Variants in DMD observed in about 807,000 individuals in gnomAD.
DMD encodes mutant dystrophin.
A neutral mutation model predicts 330.1 loss-of-function variants in DMD; 63 were observed. The observed-to-expected ratio is 0.19, with a 90% CI of 0.16 to 0.24. The LOEUF (loss-of-function observed/expected upper bound fraction) is 0.24. DMD is among the 10% of genes least tolerant of loss of function. The pLI, the probability that DMD is intolerant of heterozygous loss-of-function variation, is 1.00. For missense variants in DMD, 3,344 were observed against 2,684.1 expected (o/e 1.25, Z -5.43); for synonymous variants, 1,223 against 959.8 (o/e 1.27, Z -5.07).
At chrX:32,057,115 C>T (rs1320499606) in intron 44 of DMD, among the ~76,000 whole-genome samples, 16 of 110,541 alleles carry the variant, frequency 1.4e-4, no homozygotes, top group Admixed American at 1.4e-3. Flanking sequence ...ACGAAATTAC[C>T]GCAACATAAT....
At chrX:32,566,424 T>G (rs947615108) in intron 15 of DMD, among the ~76,000 whole-genome samples, 2 of 112,505 alleles carry the variant, frequency 1.8e-5, no homozygotes, top group Non-Finnish European at 3.8e-5. Flanking sequence ...GGTTCATTAT[T>G]TGGAGATAAA....
intron 7 of DMD, among the ~76,000 whole-genome samples, chrX:32,708,136 G>A (rs2064850966): frequency 8.9e-6 from 1 of 111,790 alleles, no homozygotes; most frequent in South Asian, 3.7e-4. Flanking sequence ...GAATAAAGAT[G>A]TTTATTTCAT....
intron 34 of DMD, among the ~76,000 whole-genome samples, chrX:32,378,721 C>T (rs1603632065): frequency 9.1e-6 from 1 of 110,400 alleles, no homozygotes; most frequent in Non-Finnish European, 1.9e-5. Context: ...CAGTCACATT[C>T]CAAATACTTG....
chrX:32,726,694 GT>G (rs756373396), intron 7 of DMD, among the ~76,000 whole-genome samples: 11 of 110,587 alleles, frequency 9.9e-5, no homozygotes, highest in East Asian at 2.8e-4. Context: ...TTTGTGGGAA[GT>G]TTTTTTTATT....
At chrX:33,136,891 A>G (rs184976641) in intron 1 of DMD, among the ~76,000 whole-genome samples, 20 of 111,378 alleles carry the variant, frequency 1.8e-4, no homozygotes, top group Admixed American at 8.7e-4. Flanking sequence ...ATCATTATAT[A>G]TGATGAGGTT....
intron 2 of DMD, among the ~76,000 whole-genome samples, chrX:32,898,568 T>A (rs1405097917): frequency 8.9e-6 from 1 of 112,378 alleles, no homozygotes; most frequent in Non-Finnish European, 1.9e-5. Flanking sequence ...ATACCCACTT[T>A]CAATTACATG....
chrX:32,401,825 C>T (rs956808056), intron 30 of DMD, among the ~76,000 whole-genome samples: 16 of 112,349 alleles, frequency 1.4e-4, no homozygotes, highest in African/African-American at 4.2e-4. Context: ...TCTCATGTAA[C>T]GTTTATACAT....
chrX:32,463,673 A>G (rs2098391346), intron 24 of DMD, 79 bp from the exon 25 acceptor site: 7 of 912,391 alleles, frequency 7.7e-6, no homozygotes, highest in Non-Finnish European at 7.3e-6. Context: ...TAGAAAATGT[A>G]AAATTGGGAC....
At chrX:32,342,073 T>TA (rs755540592) in intron 41 of DMD, 27 bp downstream of exon 41, 9 of 1,189,569 alleles carry the variant, frequency 7.6e-6, no homozygotes, top group Non-Finnish European at 9.1e-6. Context: ...TGCAAACACA[T>TA]ACGTGGGTTT....
intron 29 of DMD, 36 bp from the exon 30 acceptor site, chrX:32,411,949 T>C (rs771732900): frequency 3.2e-5 from 38 of 1,199,544 alleles, no homozygotes; most frequent in Non-Finnish European, 4.1e-5. Flanking sequence ...CAGTTAAATG[T>C]TTACTCTTGA....
At chrX:31,600,816 T>C (rs1569553877) in intron 55 of DMD, among the ~76,000 whole-genome samples, 4 of 108,312 alleles carry the variant, frequency 3.7e-5, no homozygotes, top group East Asian at 2.9e-4. Context: ...TTTTTTTTTT[T>C]CTTTTTTTCT....
chrX:33,101,208 A>G (rs1475215669), intron 1 of DMD, among the ~76,000 whole-genome samples: 4 of 112,552 alleles, frequency 3.6e-5, no homozygotes, highest in African/African-American at 1.3e-4. Flanking sequence ...AGCTAGGAAA[A>G]TACAGTTTTT....
intron 41 of DMD, among the ~76,000 whole-genome samples, chrX:32,317,370 C>T (rs2097586160): frequency 9.0e-6 from 1 of 111,130 alleles, no homozygotes; most frequent in African/African-American, 3.3e-5. Context: ...TTTGTATGAT[C>T]TAAACTTAAA....
intron 60 of DMD, among the ~76,000 whole-genome samples, chrX:31,387,381 C>T (rs1226387275): frequency 1.8e-5 from 2 of 111,097 alleles, no homozygotes; most frequent in Non-Finnish European, 3.8e-5. Context: ...ACTAGATGAT[C>T]TCATGATATG....
chrX:33,197,266 A>T (rs764014095), intron 1 of DMD, among the ~76,000 whole-genome samples: 55 of 112,263 alleles, frequency 4.9e-4, no homozygotes, highest in South Asian at 1.1e-3. Context: ...TTATAGACTC[A>T]CAGGAAGTCG....
At chrX:32,077,794 T>C (rs1213372269) in intron 44 of DMD, among the ~76,000 whole-genome samples, 1 of 111,629 alleles carries the variant, frequency 9.0e-6, no homozygotes, top group Admixed American at 9.5e-5. Context: ...AATCCAATAG[T>C]CACTTATCTT....
chrX:33,100,362 A>C (rs1320615571), intron 1 of DMD, among the ~76,000 whole-genome samples: 1 of 112,142 alleles, frequency 8.9e-6, no homozygotes, highest in Non-Finnish European at 1.9e-5. Context: ...ATACTTTTAA[A>C]ATTTCTTTAA....
chrX:32,618,588 A>G (rs922512010), intron 11 of DMD, among the ~76,000 whole-genome samples: 1 of 111,069 alleles, frequency 9.0e-6, no homozygotes, highest in Non-Finnish European at 1.9e-5. Context: ...TGATGAAATA[A>G]TCTGTACAAT....
At chrX:32,715,119 C>A (rs2065564772) in intron 7 of DMD, among the ~76,000 whole-genome samples, 1 of 111,330 alleles carries the variant, frequency 9.0e-6, no homozygotes, top group East Asian at 2.8e-4. Context: ...CCACCCCCAA[C>A]CTGGTAACCA....
Sources: gnomAD v4.1 joint callset for allele counts (sites outside exome capture counted in the v4.1 genomes callset) on GRCh38, gnomAD v4.1.1 for gene constraint, MANE v1.5 for transcripts, NCBI Gene and HGNC (gene_info 2026-07-23, HGNC 2026-07-21) for gene names.